The following ANKRD46 variants were observed in gnomAD, a reference collection of about 807,000 sequenced individuals.
ANKRD46 encodes the protein ankyrin repeat domain 46.
A neutral mutation model predicts 19.8 loss-of-function variants in ANKRD46; 13 were observed. That is an observed-to-expected ratio of 0.66 (90% confidence interval 0.43 to 1.04). The LOEUF (loss-of-function observed/expected upper bound fraction) is 1.04. ANKRD46 is among the 50% of genes least tolerant of loss of function. The pLI, the probability that ANKRD46 is intolerant of heterozygous loss-of-function variation, is 0.00. For missense variants in ANKRD46, 185 were observed against 274.8 expected, an observed-to-expected ratio of 0.67 and a Z score of 2.31; for synonymous variants, 91 against 106.9, an observed-to-expected ratio of 0.85 and a Z score of 0.92.
rs1812069944 is a variant in ANKRD46 at position 100,536,666 on chromosome 8, C to G, written c.-130-3355G>C. 6.6e-6 allele frequency among the ~76,000 whole-genome samples: 1 copy of G among 152,112 alleles called. No homozygotes were observed. The highest frequency in any genetic ancestry group is 1.5e-5 in the Non-Finnish European group (1 of 68,022). On this transcript the variant is annotated intron_variant, in intron 1 of 4. Coordinates refer to ENST00000335659, the MANE Select transcript of ANKRD46 (RefSeq NM_001270377.2). The surrounding 1 kb of genome is among the most constrained non-coding windows in gnomAD (Gnocchi z 4.9). ...AACTGGTTCCTGGCAGAGGAAAAACCACATAGTCTAGTGCAAGAACAGTCA... is the reference window on the plus strand; with the variant it reads ...AACTGGTTCCTGGCAGAGGAAAAACGACATAGTCTAGTGCAAGAACAGTCA...
At chr8:100,542,287 C>T (rs889868725) in intron 1 of ANKRD46, among the ~76,000 whole-genome samples, 6 of 152,166 alleles carry the variant, frequency 3.9e-5, no homozygotes, top group Non-Finnish European at 8.8e-5. Context: ...ACCTCACTCA[C>T]TCTGACCTCC....
chr8:100,553,762 C>CAAAAACCAA (rs1586805447), intron 1 of ANKRD46, among the ~76,000 whole-genome samples: 1 of 151,794 alleles, frequency 6.6e-6, no homozygotes, highest in Non-Finnish European at 1.5e-5. Context: ...AACAAACAAA[C>CAAAAACCAA]AAAAACCAAA....
chr8:100,522,305 G>A lies in ANKRD46; in HGVS notation c.*250C>T. 1 of 1,299,086 alleles carries A rather than the reference G, an allele frequency of 7.7e-7. No homozygotes were observed. The highest frequency in any genetic ancestry group is 9.8e-7 in the Non-Finnish European group (1 of 1,020,338). The allele number at this position is 1,299,086 out of a possible 1,614,324, so 80.5% of individuals were successfully genotyped here. On this transcript the variant is annotated 3_prime_UTR_variant, in exon 5 of 5. Transcript: ENST00000335659. Reference sequence around the variant, plus strand: ...TCACTTCCGTGTTTTTATCAAACAAGGCTACGTGTAGGCTTTCCTACAAAG... The same window carrying A: ...TCACTTCCGTGTTTTTATCAAACAAAGCTACGTGTAGGCTTTCCTACAAAG...
At position 100,557,352 on chromosome 8, in the gene ANKRD46, A is replaced by G. The variant is rs960295409; in HGVS notation, c.-131+2359T>C. The stretch of plus-strand genomic sequence containing the variant: ...TTTCTCTCATAAGCACATCCAAACC[A>G]TAAGCAAATCCTATCAGCAATACTC... On this transcript the variant is annotated intron_variant, in intron 1 of 4. Coordinates refer to ENST00000335659, the MANE Select transcript of ANKRD46 (RefSeq NM_001270377.2). The surrounding 1 kb of genome is among the most constrained non-coding windows in gnomAD (Gnocchi z 5.9). 1.3e-5 allele frequency among the ~76,000 whole-genome samples: 2 copies of G among 152,228 alleles called. No homozygotes were observed. Among genetic ancestry groups the G allele is most frequent in the Non-Finnish European group, 2.9e-5 (2 of 68,040 alleles).
In ANKRD46 at chr8:100,529,968, T is replaced by C; in HGVS notation, c.-27-108A>G. 2.8e-6 allele frequency: 2 copies of C among 718,010 alleles called. No individual in the cohort carries two copies. The highest frequency in any genetic ancestry group is 5.5e-5 in the East Asian group (2 of 36,312). 44.5% of individuals were successfully genotyped at this position (718,010 alleles called of 1,614,324 possible). On this transcript the variant is annotated intron_variant, in intron 2 of 4. Transcript: ENST00000335659. The surrounding 1 kb of genome is among the most constrained non-coding windows in gnomAD (Gnocchi z 5.8). The stretch of plus-strand genomic sequence containing the variant: ...ATCCTTTTTGGCCTCCTGCCTCTAA[T>C]AAATAAATGACCAAACAGAAACAAC...
intron 1 of ANKRD46, among the ~76,000 whole-genome samples, chr8:100,535,984 C>G (rs1812057582): frequency 6.6e-6 from 1 of 151,562 alleles, no homozygotes; most frequent in South Asian, 2.1e-4. Flanking sequence ...ATGTCTATTT[C>G]CCCCATTCAA....
rs1812215616 is a variant in ANKRD46, at chr8:100,543,524, C to T, written c.-130-10213G>A. On this transcript the variant is annotated intron_variant, in intron 1 of 4. Transcript: ENST00000335659. This position sits in a 1 kb window ranked among gnomAD's most constrained non-coding sequence, Gnocchi z 4.2. ...TTCGTCCTTGTACTCAAGAGAACTA[C>T]AGTGTTAAACAAAGATAATTATGAT... Among the ~76,000 whole-genome samples, 1 of 152,108 alleles carries T rather than the reference C, an allele frequency of 6.6e-6. No homozygotes were observed. The highest frequency in any genetic ancestry group is 1.5e-5 in the Non-Finnish European group (1 of 68,024).
chr8:100,545,946 G>A lies in ANKRD46; in HGVS notation c.-130-12635C>T, dbSNP rs1306559270. On this transcript the variant is annotated intron_variant, in intron 1 of 4. Coordinates refer to ENST00000335659, the MANE Select transcript of ANKRD46 (RefSeq NM_001270377.2). The surrounding 1 kb of genome is among the most constrained non-coding windows in gnomAD (Gnocchi z 4.7). The stretch of plus-strand genomic sequence containing the variant: ...TTGAACTTGAGAGAGATGATTTAGG[G>A]TATCTGGCAGAAGAAATTTCTAAGC... Among the ~76,000 whole-genome samples the A allele has an allele frequency of 1.3e-5, 2 of 152,186 alleles. No individual in the cohort carries two copies. Among genetic ancestry groups the A allele is most frequent in the African/African-American group, 4.8e-5 (2 of 41,460 alleles).
At position 100,537,472 on chromosome 8, in the gene ANKRD46, A is replaced by G. The variant is rs2130675859; in HGVS notation, c.-130-4161T>C. ...TACTAAAACTGTAAAAATGAATGAT[A>G]CACAGTAAATGAAACCCCCAAATCT... On this transcript the variant is annotated intron_variant, in intron 1 of 4. Coordinates refer to ENST00000335659, the MANE Select transcript of ANKRD46 (RefSeq NM_001270377.2). The surrounding 1 kb of genome is among the most constrained non-coding windows in gnomAD (Gnocchi z 4.2). Among the ~76,000 whole-genome samples, 1 of 152,360 alleles carries G rather than the reference A, an allele frequency of 6.6e-6. No homozygotes were observed. Among genetic ancestry groups the G allele is most frequent in the Admixed American group, 6.5e-5 (1 of 15,308 alleles).
At chr8:100,551,245 T>C (rs1812383329) in intron 1 of ANKRD46, 1 of 473,472 alleles carries the variant, frequency 2.1e-6, no homozygotes, top group Non-Finnish European at 4.0e-6. Context: ...GGCCGGGGGA[T>C]TAAGCAGTTG....
intron 4 of ANKRD46, among the ~76,000 whole-genome samples, chr8:100,523,477 A>C (rs1006472198): frequency 3.3e-5 from 5 of 151,986 alleles, no homozygotes; most frequent in Non-Finnish European, 7.4e-5. Flanking sequence ...AGTAAATCTA[A>C]AAAGTCACTT....
chr8:100,529,886 T>C lies in ANKRD46; in HGVS notation c.-27-26A>G, dbSNP rs1811923032. The C allele has an allele frequency of 6.5e-7, 1 of 1,545,076 alleles. No individual in the cohort carries two copies. The highest frequency in any genetic ancestry group is 1.2e-5 in the South Asian group (1 of 83,824). On this transcript the variant is annotated intron_variant, in intron 2 of 4. Transcript: ENST00000335659. The surrounding 1 kb of genome is among the most constrained non-coding windows in gnomAD (Gnocchi z 5.8). ...CTGTAATGAAATAGGTGAGTGAGAT[T>C]CCATGAAGACAAATGAAATCAAGAC...
intron 1 of ANKRD46, chr8:100,551,390 C>A: frequency 1.7e-6 from 1 of 601,728 alleles, no homozygotes; most frequent in South Asian, 1.5e-5. Context: ...TAAGTGAGCC[C>A]CAGCCTTCTC....
In ANKRD46 at chr8:100,545,422, C is replaced by T. The variant is rs749172403; in HGVS notation, c.-130-12111G>A. Among the ~76,000 whole-genome samples, 8 of 152,064 alleles carry T rather than the reference C, an allele frequency of 5.3e-5. No individual in the cohort carries two copies. Among genetic ancestry groups the T allele is most frequent in the African/African-American group, 1.9e-4 (8 of 41,384 alleles). ...GACGGTTTTAAAATTGGTCGTTTCC[C>T]CTACACATTCTCTCTTGCCGCCATG... On this transcript the variant is annotated intron_variant, in intron 1 of 4. Coordinates refer to ENST00000335659, the MANE Select transcript of ANKRD46 (RefSeq NM_001270377.2). The surrounding 1 kb of genome is among the most constrained non-coding windows in gnomAD (Gnocchi z 4.7).
chr8:100,556,166 G>A (rs1288775316), intron 1 of ANKRD46, among the ~76,000 whole-genome samples: 1 of 152,174 alleles, frequency 6.6e-6, no homozygotes, highest in Admixed American at 6.5e-5. Context: ...GACCACAGGT[G>A]TGTGCTAGCA....
chr8:100,549,660 CCT>C (rs1381301200), intron 1 of ANKRD46, among the ~76,000 whole-genome samples: 1 of 152,160 alleles, frequency 6.6e-6, no homozygotes, highest in Non-Finnish European at 1.5e-5. Context: ...CCAGAGGGTA[CCT>C]CTGTTATAAC....
rs16898532 is a variant in ANKRD46, at chr8:100,534,457, G to A, written c.-130-1146C>T. On this transcript the variant is annotated intron_variant, in intron 1 of 4. Coordinates refer to ENST00000335659, the MANE Select transcript of ANKRD46 (RefSeq NM_001270377.2). This position sits in a 1 kb window ranked among gnomAD's most constrained non-coding sequence, Gnocchi z 4.2. ...ATTTAGACGAACTTCATATCACGGA[G>A]CCACTTACCTTGATTTCCTTAAACA... 7.5e-3 allele frequency among the ~76,000 whole-genome samples: 1,149 copies of A among 152,260 alleles called. 18 individuals are homozygous for A. The highest frequency in any genetic ancestry group is 0.026 in the African/African-American group (1,067 of 41,534).
chr8:100,533,585 A>G (rs1332865417), intron 1 of ANKRD46, among the ~76,000 whole-genome samples: 1 of 152,212 alleles, frequency 6.6e-6, no homozygotes, highest in African/African-American at 2.4e-5. Context: ...TGCCATCACT[A>G]AAGAACAAAT....
Position 100,546,681 on chromosome 8 carries a change from T to C in ANKRD46, c.-131+13030A>G, listed in dbSNP as rs1812279225. 6.6e-6 allele frequency among the ~76,000 whole-genome samples: 1 copy of C among 152,212 alleles called. No homozygotes were observed. Among genetic ancestry groups the C allele is most frequent in the African/African-American group, 2.4e-5 (1 of 41,448 alleles). On this transcript the variant is annotated intron_variant, in intron 1 of 4. Coordinates refer to ENST00000335659, the MANE Select transcript of ANKRD46 (RefSeq NM_001270377.2). The surrounding 1 kb of genome is among the most constrained non-coding windows in gnomAD (Gnocchi z 4.0). ...AGTGGAGCTATGAGAAAAGGGCCACTGTCCTCCAGACCCCAGAAAAGTAGA... is the reference window on the plus strand; with the variant it reads ...AGTGGAGCTATGAGAAAAGGGCCACCGTCCTCCAGACCCCAGAAAAGTAGA...
Sources: allele counts gnomAD v4.1 joint callset (sites outside exome capture counted in the v4.1 genomes callset), GRCh38; gene constraint gnomAD v4.1.1; non-coding constraint Gnocchi (gnomAD v3.1); transcripts MANE v1.5; gene names NCBI Gene and HGNC (gene_info 2026-07-23, HGNC 2026-07-21).